ERI1: variants seen among roughly 807,000 people sequenced by gnomAD.
The protein encoded by ERI1 is 3'-5' exoribonuclease 1.
A neutral mutation model predicts 39.7 loss-of-function variants in ERI1; 39 were observed. The observed-to-expected ratio is 0.98, with a 90% CI of 0.76 to 1.28. The LOEUF (loss-of-function observed/expected upper bound fraction) is 1.28. ERI1 is among the 50% of genes most tolerant of loss of function. ERI1 has a pLI of 0.00. For missense variants in ERI1, 581 were observed against 416.9 expected (o/e 1.39, Z -3.43); for synonymous variants, 204 against 149.6 (o/e 1.36, Z -2.65).
intron 3 of ERI1, among the ~76,000 whole-genome samples, chr8:9,047,165 C>T (rs1294318414): frequency 2.6e-5 from 4 of 152,194 alleles, no homozygotes; most frequent in African/African-American, 9.6e-5. Context: ...AGATATTCAC[C>T]TACTTAGGAA....
At position 9,015,507 on chromosome 8, in the gene ERI1, T is replaced by C. The variant is rs112969000; in HGVS notation, c.499-815T>C. 7.9e-3 allele frequency among the ~76,000 whole-genome samples: 1,196 copies of C among 151,904 alleles called. 16 individuals are homozygous for C. The highest frequency in any genetic ancestry group is 0.028 in the African/African-American group (1,150 of 41,412). ...TTGTGAGCATAAAATAAGACCATCG[T>C]GTCAGGAGATCGAGACCATCCTGGC... On this transcript the variant is annotated intron_variant, in intron 3 of 6. Coordinates refer to ENST00000250263, the MANE Select transcript of ERI1 (RefSeq NM_153332.4).
chr8:9,020,622 G>C lies in ERI1; in HGVS notation c.807+158G>C, dbSNP rs143836024. ...TTCCAAATTCCTTATGTTCAAATTA[G>C]ATAAGCCTTTTTCTCATTCAACCTG... On this transcript the variant is annotated intron_variant, in intron 6 of 6. Transcript: ENST00000250263. Among the ~76,000 whole-genome samples, 1,119 of 152,192 alleles carry C rather than the reference G, an allele frequency of 7.4e-3. 14 individuals are homozygous for C. Among genetic ancestry groups the C allele is most frequent in the African/African-American group, 0.026 (1,075 of 41,536 alleles).
chr8:9,031,409 G>C lies in ERI1; in HGVS notation c.*1375G>C, dbSNP rs1056462030. On this transcript the variant is annotated 3_prime_UTR_variant, in exon 7 of 7. Coordinates refer to ENST00000250263, the MANE Select transcript of ERI1 (RefSeq NM_153332.4). ...AAGAATAATGTGTAAATAACAGAAG[G>C]CATATGAGAGTGTGGTGTTCCTAGA... 1 of 152,156 alleles carries C rather than the reference G, an allele frequency of 6.6e-6. No individual in the cohort carries two copies. The allele number at this position is 152,156 out of a possible 1,614,324, so 9.4% of individuals were successfully genotyped here. A position where few individuals can be genotyped will look rare whatever the true frequency, so the allele number is the denominator to read the frequency against.
chr8:9,090,957 C>A (rs141181002), intron 3 of ERI1, among the ~76,000 whole-genome samples: 1 of 152,100 alleles, frequency 6.6e-6, no homozygotes, highest in Non-Finnish European at 1.5e-5. Context: ...CTTTCTAATA[C>A]TTAGCATTTA....
At chr8:9,048,952 C>G (rs984706082) in intron 3 of ERI1, among the ~76,000 whole-genome samples, 4 of 152,020 alleles carry the variant, frequency 2.6e-5, no homozygotes, top group Non-Finnish European at 5.9e-5. Flanking sequence ...GGCCAGCATT[C>G]TGTTCTTTAT....
At chr8:9,036,508 T>C (rs938350902), downstream of ERI1, among the ~76,000 whole-genome samples, 1 of 152,238 alleles carries the variant, frequency 6.6e-6, no homozygotes, top group African/African-American at 2.4e-5. Flanking sequence ...GACATAATGC[T>C]TTTGCACACT....
At chr8:9,050,932 G>A (rs561257377) in intron 3 of ERI1, among the ~76,000 whole-genome samples, 1 of 152,240 alleles carries the variant, frequency 6.6e-6, no homozygotes. Flanking sequence ...TTAAGGCGTT[G>A]TTCTTTCAGT....
Position 9,018,354 on chromosome 8 carries a change from A to G in ERI1, c.640A>G (p.Met214Val), listed in dbSNP as rs780160532. Residue 214 changes from methionine (M) to valine (V), a missense_variant, in exon 5 of 7, where the codon ATG becomes GTG. Physicochemically the swap from Met to Val is conservative, Grantham distance 21 (BLOSUM62 1). Coordinates refer to ENST00000250263, the MANE Select transcript of ERI1 (RefSeq NM_153332.4). ...GGTACTAAAAAAAGTAATTGACTGGATGAAATTGAAGGAATTAGGAACAAA... is the reference window on the plus strand; with the variant it reads ...GGTACTAAAAAAAGTAATTGACTGGGTGAAATTGAAGGAATTAGGAACAAA... ...PQVLKKVIDW[M>V]KLKELGTKYK... 4.3e-6 allele frequency: 7 copies of G among 1,612,432 alleles called. No individual in the cohort carries two copies. The highest frequency in any genetic ancestry group is 3.4e-6 in the Non-Finnish European group (4 of 1,178,620).
chr8:9,016,324 A>G lies in ERI1; in HGVS notation c.501A>G (p.Glu167=), dbSNP rs555519734. The G allele has an allele frequency of 6.0e-5, 95 of 1,594,258 alleles. No individual in the cohort carries two copies. The highest frequency in any genetic ancestry group is 5.8e-4 in the South Asian group (51 of 87,932). The change falls in exon 4 of 7, where the codon GAA becomes GAG. Residue 167 remains glutamate (E), a splice_region_variant and synonymous_variant. Transcript: ENST00000250263. ...VLLNTHTLEI[E]DTFQQYVRPE... is the part of the protein sequence containing the mutation. Reference sequence around the variant, plus strand: ...AACTTGCTATCCTTCCCTTGCAGGAAGACACGTTTCAGCAGTATGTAAGAC... The same window carrying G: ...AACTTGCTATCCTTCCCTTGCAGGAGGACACGTTTCAGCAGTATGTAAGAC...
intron 3 of ERI1, among the ~76,000 whole-genome samples, chr8:9,074,378 G>C (rs1443079506): frequency 6.6e-6 from 1 of 151,716 alleles, no homozygotes; most frequent in Non-Finnish European, 1.5e-5. Flanking sequence ...GCCCTCCTCA[G>C]CCTCCCAAAA....
intron 3 of ERI1, among the ~76,000 whole-genome samples, chr8:9,093,877 A>T (rs562229192): frequency 2.4e-3 from 368 of 152,342 alleles, no homozygotes; most frequent in African/African-American, 8.4e-3. Context: ...ATGCCTGGCC[A>T]AGACTTTAAA....
At chr8:9,062,258 G>T (rs1047606987) in intron 3 of ERI1, among the ~76,000 whole-genome samples, 2 of 152,052 alleles carry the variant, frequency 1.3e-5, no homozygotes, top group African/African-American at 4.8e-5. Context: ...GCCAAGGAGG[G>T]AGTAGAGGTA....
intron 3 of ERI1, among the ~76,000 whole-genome samples, chr8:9,060,210 T>C (rs1385269898): frequency 6.6e-6 from 1 of 152,156 alleles, no homozygotes; most frequent in Non-Finnish European, 1.5e-5. Flanking sequence ...GGTCTGTTAT[T>C]GGACTGTATA....
intron 1 of ERI1, among the ~76,000 whole-genome samples, chr8:9,005,747 G>A (rs1263616516): frequency 1.3e-5 from 2 of 151,928 alleles, no homozygotes; most frequent in East Asian, 3.9e-4. Context: ...GCCCGCCTCG[G>A]CCTCCCAAAG....
chr8:9,094,156 A>T (rs2117486304), intron 3 of ERI1, among the ~76,000 whole-genome samples: 1 of 152,364 alleles, frequency 6.6e-6, no homozygotes, highest in East Asian at 1.9e-4. Flanking sequence ...AATAGCAGAC[A>T]AGGCATTGAG....
In ERI1 at chr8:9,032,912, A is replaced by T. The variant is rs1797691285; in HGVS notation, c.*2878A>T. 6.6e-6 allele frequency: 1 copy of T among 152,202 alleles called. No homozygotes were observed. The highest frequency in any genetic ancestry group is 1.5e-5 in the Non-Finnish European group (1 of 68,038). The allele number at this position is 152,202 out of a possible 1,614,324, so 9.4% of individuals were successfully genotyped here. Reference sequence around the variant, plus strand: ...AGGATGTATTGTACTTTGAAGGAAGACTTTCCATTTCTAAGCTACCATGGA... The same window carrying T: ...AGGATGTATTGTACTTTGAAGGAAGTCTTTCCATTTCTAAGCTACCATGGA... On this transcript the variant is annotated 3_prime_UTR_variant, in exon 7 of 7. Coordinates refer to ENST00000250263, the MANE Select transcript of ERI1 (RefSeq NM_153332.4).
chr8:9,027,360 G>A (rs971328459), intron 6 of ERI1, among the ~76,000 whole-genome samples: 12 of 152,188 alleles, frequency 7.9e-5, no homozygotes, highest in Middle Eastern at 3.4e-3. Context: ...GATGTTTTGA[G>A]TTGTAGGAGT....
In ERI1 at chr8:9,031,419, G is replaced by A. The variant is rs1425738675; in HGVS notation, c.*1385G>A. On this transcript the variant is annotated 3_prime_UTR_variant, in exon 7 of 7. Coordinates refer to ENST00000250263, the MANE Select transcript of ERI1 (RefSeq NM_153332.4). ...TGTAAATAACAGAAGGCATATGAGA[G>A]TGTGGTGTTCCTAGATGAACTGTTA... 1 of 152,182 alleles carries A rather than the reference G, an allele frequency of 6.6e-6. No individual in the cohort carries two copies. The highest frequency in any genetic ancestry group is 1.5e-5 in the Non-Finnish European group (1 of 68,028). 9.4% of individuals were successfully genotyped at this position (152,182 alleles called of 1,614,324 possible).
At chr8:9,080,493 G>C (rs4841096) in intron 3 of ERI1, among the ~76,000 whole-genome samples, 8 of 152,288 alleles carry the variant, frequency 5.3e-5, no homozygotes, top group Admixed American at 4.6e-4. Context: ...GCCTAGAGGA[G>C]ATGAGGCAGA....
Sources: allele counts gnomAD v4.1 joint callset (sites outside exome capture counted in the v4.1 genomes callset), GRCh38; gene constraint gnomAD v4.1.1; transcripts MANE v1.5; gene names NCBI Gene and HGNC (gene_info 2026-07-23, HGNC 2026-07-21).